The following LRRC9 variants were observed in gnomAD, a reference collection of about 807,000 sequenced individuals.
LRRC9 encodes the protein leucine-rich repeat-containing protein 9.
A neutral mutation model predicts 63.2 loss-of-function variants in LRRC9; 122 were observed. The ratio of observed to expected loss-of-function variants is 1.93; its 90% confidence interval spans 1.67 to 2.24. LRRC9 has a LOEUF of 2.24. LRRC9 is among the 30% of genes most tolerant of loss of function. The probability of loss-of-function intolerance (pLI) is 0.00; values close to 1 mark genes in which losing one functional copy is unlikely to be tolerated. For synonymous variants in LRRC9, 366 were observed against 213.1 expected (o/e 1.72, Z -6.25); for missense variants, 1,071 against 627.7 (o/e 1.71, Z -7.55).
chr14:59,954,491 G>C (rs1883518287), intron 8 of LRRC9, among the ~76,000 whole-genome samples: 1 of 152,164 alleles, frequency 6.6e-6, no homozygotes, highest in African/African-American at 2.4e-5. Context: ...GAATGCTTGT[G>C]ATTTTTGTAC....
In LRRC9 at chr14:59,962,507, G is replaced by A. The variant is rs943975716; in HGVS notation, c.1211+1462G>A. Reference sequence around the variant, plus strand: ...CAACCTCTGCCTCCCAGGTTCAAGCGATTCTCCTGCCTCAGACTCCCGAGT... The same window carrying A: ...CAACCTCTGCCTCCCAGGTTCAAGCAATTCTCCTGCCTCAGACTCCCGAGT... On this transcript the variant is annotated intron_variant, in intron 10 of 31. Coordinates refer to ENST00000445360, the Ensembl canonical transcript of LRRC9. This position sits in a 1 kb window ranked among gnomAD's most constrained non-coding sequence, Gnocchi z 5.1. Among the ~76,000 whole-genome samples the A allele has an allele frequency of 6.6e-6, 1 of 151,744 alleles. No individual in the cohort carries two copies. The highest frequency in any genetic ancestry group is 2.4e-5 in the African/African-American group (1 of 41,276).
At chr14:59,959,674 CT>C in intron 8 of LRRC9, 143 bp from the exon 9 acceptor site, 1 of 467,290 alleles carries the variant, frequency 2.1e-6, no homozygotes, top group East Asian at 3.3e-5. Context: ...GACATCTGGC[CT>C]GTTTATTACC....
At chr14:60,028,783 G>A (rs1177458528) in intron 28 of LRRC9, among the ~76,000 whole-genome samples, 1 of 152,080 alleles carries the variant, frequency 6.6e-6, no homozygotes, top group African/African-American at 2.4e-5. Flanking sequence ...CTCAAAGACA[G>A]ACTGAACTCT....
At position 59,944,643 on chromosome 14, in the gene LRRC9, AG is replaced by A. The variant is rs2139858845; in HGVS notation, c.783del (p.Arg261SerfsTer10). 1.5e-6 allele frequency: 1 copy of A among 671,116 alleles called. No homozygotes were observed. Among genetic ancestry groups the A allele is most frequent in the South Asian group, 1.7e-5 (1 of 59,952 alleles). The allele number at this position is 671,116 out of a possible 1,614,324, so 41.6% of individuals were successfully genotyped here. On this transcript the variant is annotated frameshift_variant, in exon 8 of 32. Transcript: ENST00000445360. LOFTEE classifies it high-confidence loss of function. ...TAATATGCGTATAAAAACTCTTCAG[AG>A]GCATCTTAAAGAAGACCTTGAAAAA...
chr14:60,047,089 C>CT (rs781113525), intron 29 of LRRC9, among the ~76,000 whole-genome samples: 1 of 151,938 alleles, frequency 6.6e-6, no homozygotes, highest in African/African-American at 2.4e-5. Context: ...GGAATGCTAG[C>CT]TTTTTTGCAC....
At chr14:60,006,308 T>G in intron 21 of LRRC9, 89 bp from the exon 22 acceptor site, 1 of 600,958 alleles carries the variant, frequency 1.7e-6, no homozygotes. Context: ...CCTAGCTATC[T>G]AATTACAATA....
intron 5 of LRRC9, 58 bp downstream of exon 5, chr14:59,931,740 A>G: frequency 1.5e-6 from 1 of 645,352 alleles, no homozygotes; most frequent in Middle Eastern, 3.1e-4. Context: ...TTATCAATAT[A>G]AAAAGTACAT....
chr14:59,935,123 T>TAAAAA (rs34044624), intron 6 of LRRC9, among the ~76,000 whole-genome samples: 1 of 117,462 alleles, frequency 8.5e-6, no homozygotes, highest in African/African-American at 3.2e-5. Flanking sequence ...TTGTTTCTAC[T>TAAAAA]AAAAAAAAAA....
At chr14:60,016,946 C>T (rs2140271971) in intron 24 of LRRC9, among the ~76,000 whole-genome samples, 156 bp downstream of exon 24, 1 of 152,020 alleles carries the variant, frequency 6.6e-6, no homozygotes, top group Admixed American at 6.6e-5. Context: ...AAGTAATGAG[C>T]ATTTTTTGAG....
chr14:60,026,177 G>A (rs746959621), intron 27 of LRRC9, among the ~76,000 whole-genome samples: 13 of 152,058 alleles, frequency 8.5e-5, no homozygotes, highest in Non-Finnish European at 1.9e-4. Flanking sequence ...AGTCAAAAAT[G>A]TATGTGCTTA....
intron 29 of LRRC9, among the ~76,000 whole-genome samples, chr14:60,047,290 A>G (rs1302167873): frequency 1.3e-5 from 2 of 152,092 alleles, no homozygotes; most frequent in Admixed American, 1.3e-4. Context: ...AACTTCCAAT[A>G]CTATGTTGGA....
chr14:59,978,959 A>C (rs1268681409), intron 15 of LRRC9, among the ~76,000 whole-genome samples: 1 of 152,178 alleles, frequency 6.6e-6, no homozygotes, highest in Non-Finnish European at 1.5e-5. Flanking sequence ...TTTGGCCACT[A>C]TGGTGGGCAA....
chr14:60,050,706 GCTTATCTAC>G (rs1469440463), intron 29 of LRRC9, among the ~76,000 whole-genome samples: 2 of 152,030 alleles, frequency 1.3e-5, no homozygotes, highest in Non-Finnish European at 1.5e-5. Context: ...ATTTTTAGGG[GCTTATCTAC>G]CTTCAATCTT....
intron 6 of LRRC9, among the ~76,000 whole-genome samples, chr14:59,935,801 G>C (rs113358228): frequency 3.2e-4 from 49 of 152,352 alleles, no homozygotes; most frequent in African/African-American, 1.2e-3. Context: ...GTGGTTGAAA[G>C]GGGTATGGCA....
Position 59,966,799 on chromosome 14 carries a change from C to T in LRRC9, c.1388+34C>T, listed in dbSNP as rs1314427447. On this transcript the variant is annotated intron_variant, in intron 11 of 31. Transcript: ENST00000445360. This position sits in a 1 kb window ranked among gnomAD's most constrained non-coding sequence, Gnocchi z 4.0. ...CTGAATTCTTTATGGAACAACTTTA[C>T]AAAAGTGTGACTGTATTTGTAAAAT... 3.5e-6 allele frequency: 2 copies of T among 566,644 alleles called. No homozygotes were observed. The highest frequency in any genetic ancestry group is 3.7e-5 in the African/African-American group (2 of 53,590). The allele number at this position is 566,644 out of a possible 1,614,324, so 35.1% of individuals were successfully genotyped here.
At chr14:59,969,398 A>G (rs995940790) in intron 12 of LRRC9, 2 of 152,218 alleles carry the variant, frequency 1.3e-5, no homozygotes, top group Admixed American at 6.5e-5. Flanking sequence ...GTCATTGTTA[A>G]GATCCTAGAA....
intron 8 of LRRC9, among the ~76,000 whole-genome samples, chr14:59,946,728 T>C (rs1315877644): frequency 2.1e-5 from 3 of 146,340 alleles, no homozygotes; most frequent in Non-Finnish European, 4.5e-5. Flanking sequence ...CATTGTTCAA[T>C]TCCCACCTAT....
In LRRC9 at chr14:60,027,572, A is replaced by G. The variant is rs558499250; in HGVS notation, c.3704-312A>G. 5.3e-5 allele frequency among the ~76,000 whole-genome samples: 8 copies of G among 152,212 alleles called. No homozygotes were observed. The highest frequency in any genetic ancestry group is 2.0e-4 in the Admixed American group (3 of 15,264). On this transcript the variant is annotated intron_variant, in intron 27 of 31. Coordinates refer to ENST00000445360, the Ensembl canonical transcript of LRRC9. The surrounding 1 kb of genome is among the most constrained non-coding windows in gnomAD (Gnocchi z 4.0). ...AGCGTATCTTCTGCAGCAGTCTTCTATATCTACTTTTGTCAATACCGACTA... is the reference window on the plus strand; with the variant it reads ...AGCGTATCTTCTGCAGCAGTCTTCTGTATCTACTTTTGTCAATACCGACTA...
chr14:59,963,236 T>G (rs143105087), intron 10 of LRRC9, among the ~76,000 whole-genome samples: 143 of 152,352 alleles, frequency 9.4e-4, no homozygotes, highest in Non-Finnish European at 1.6e-3. Context: ...TCTAATTGTA[T>G]GTCATTATCT....
Sources: allele counts gnomAD v4.1 joint callset (sites outside exome capture counted in the v4.1 genomes callset), GRCh38; gene constraint gnomAD v4.1.1; non-coding constraint Gnocchi (gnomAD v3.1); transcripts MANE v1.5; gene names NCBI Gene and HGNC (gene_info 2026-07-23, HGNC 2026-07-21).